Variants in LRP1B observed in about 807,000 individuals in gnomAD.
The protein encoded by LRP1B is low-density lipoprotein receptor-related protein 1B.
A neutral mutation model predicts 556.6 loss-of-function variants in LRP1B; 217 were observed. The observed-to-expected ratio is 0.39, with a 90% CI of 0.35 to 0.44. The LOEUF (loss-of-function observed/expected upper bound fraction) is 0.44. Ranked by LOEUF, LRP1B falls within the 20% of genes least tolerant of loss-of-function variation. The pLI is 1.00. For synonymous variants in LRP1B, 2,047 were observed against 1,865.8 expected (o/e 1.10, Z -2.50); for missense variants, 5,053 against 5,620.8 (o/e 0.90, Z 3.23).
At chr2:141,597,690 G>A (rs1687574092) in intron 2 of LRP1B, among the ~76,000 whole-genome samples, 1 of 152,030 alleles carries the variant, frequency 6.6e-6, no homozygotes, top group Admixed American at 6.6e-5. Context: ...TTTATTGGAA[G>A]ATTAGCTTTT....
At chr2:141,182,575 G>A (rs1226629546) in intron 7 of LRP1B, among the ~76,000 whole-genome samples, 1 of 151,694 alleles carries the variant, frequency 6.6e-6, no homozygotes, top group Admixed American at 6.6e-5. Flanking sequence ...CCAGATACCT[G>A]GGAGAGAAGC....
chr2:141,855,524 G>C (rs1200680737), intron 1 of LRP1B, among the ~76,000 whole-genome samples: 1 of 152,102 alleles, frequency 6.6e-6, no homozygotes, highest in African/African-American at 2.4e-5. Context: ...CTTTAGGTGA[G>C]TGATTTTCAG....
intron 3 of LRP1B, among the ~76,000 whole-genome samples, chr2:141,377,689 G>A (rs1381347204): frequency 6.6e-6 from 1 of 151,616 alleles, no homozygotes; most frequent in East Asian, 1.9e-4. Context: ...TTTATGTGAG[G>A]CCTAATAATA....
At chr2:141,166,417 T>G (rs1037958977) in intron 7 of LRP1B, among the ~76,000 whole-genome samples, 1 of 150,976 alleles carries the variant, frequency 6.6e-6, no homozygotes, top group Admixed American at 6.6e-5. Context: ...ATAATAGGTG[T>G]ATATATTTAA....
At chr2:140,922,499 A>G (rs1480750143) in intron 21 of LRP1B, among the ~76,000 whole-genome samples, 1 of 152,024 alleles carries the variant, frequency 6.6e-6, no homozygotes, top group Non-Finnish European at 1.5e-5. Context: ...ATATAATTCT[A>G]TCTTTCTTTT....
chr2:141,455,299 T>C (rs1407550312), intron 3 of LRP1B, among the ~76,000 whole-genome samples: 1 of 151,928 alleles, frequency 6.6e-6, no homozygotes, highest in Non-Finnish European at 1.5e-5. Flanking sequence ...TCAATTTACA[T>C]ATCTCCCTAC....
At chr2:141,752,439 T>A (rs1303038421) in intron 2 of LRP1B, among the ~76,000 whole-genome samples, 1 of 152,120 alleles carries the variant, frequency 6.6e-6, no homozygotes, top group African/African-American at 2.4e-5. Context: ...TGAAAGACTT[T>A]CCATACTCGA....
At chr2:141,681,763 T>C (rs1691113493) in intron 2 of LRP1B, among the ~76,000 whole-genome samples, 1 of 152,206 alleles carries the variant, frequency 6.6e-6, no homozygotes, top group Non-Finnish European at 1.5e-5. Context: ...GGCAAGTCCC[T>C]GAGTTCCTCT....
intron 3 of LRP1B, among the ~76,000 whole-genome samples, chr2:141,333,612 C>A (rs1401114726): frequency 6.6e-6 from 1 of 152,144 alleles, no homozygotes; most frequent in African/African-American, 2.4e-5. Context: ...GGATTCACAG[C>A]AGCTATGTAG....
intron 26 of LRP1B, 115 bp from the exon 27 acceptor site, chr2:140,867,949 G>T: frequency 7.8e-7 from 1 of 1,287,348 alleles, no homozygotes; most frequent in Non-Finnish European, 1.0e-6. Flanking sequence ...ATTTTTATGG[G>T]TCTGTATCTG....
intron 86 of LRP1B, among the ~76,000 whole-genome samples, chr2:140,260,534 T>C (rs1363685175): frequency 6.6e-6 from 1 of 151,800 alleles, no homozygotes; most frequent in South Asian, 2.1e-4. Flanking sequence ...TATATGTATA[T>C]GCGTGCATAT....
At chr2:142,094,895 A>G (rs1706304559) in intron 1 of LRP1B, among the ~76,000 whole-genome samples, 1 of 151,892 alleles carries the variant, frequency 6.6e-6, no homozygotes, top group African/African-American at 2.4e-5. Context: ...AACTGAAAAT[A>G]GGAGAAAATA....
At chr2:141,888,490 G>C (rs1288342499) in intron 1 of LRP1B, among the ~76,000 whole-genome samples, 1 of 152,124 alleles carries the variant, frequency 6.6e-6, no homozygotes, top group Non-Finnish European at 1.5e-5. Flanking sequence ...ATTTTCACCA[G>C]GGCTAAATCT....
At chr2:140,721,325 T>A (rs1687392084) in intron 35 of LRP1B, among the ~76,000 whole-genome samples, 1 of 152,130 alleles carries the variant, frequency 6.6e-6, no homozygotes, top group South Asian at 2.1e-4. Flanking sequence ...GTGGCTTTTA[T>A]GTCACATTTC....
chr2:140,457,338 G>C, intron 61 of LRP1B, 125 bp downstream of exon 61: 1 of 753,972 alleles, frequency 1.3e-6, no homozygotes, highest in Non-Finnish European at 2.1e-6. Flanking sequence ...ATAAAGTGAT[G>C]CTAAATAATT....
chr2:141,892,920 A>C (rs1362762919), intron 1 of LRP1B, among the ~76,000 whole-genome samples: 1 of 152,204 alleles, frequency 6.6e-6, no homozygotes, highest in Non-Finnish European at 1.5e-5. Context: ...GAGCTTCACC[A>C]TTATGTGATA....
At position 140,776,029 on chromosome 2, in the gene LRP1B, G is replaced by A. The variant is rs188572675; in HGVS notation, c.5500+69C>T. ...AATAGAAACCTTTTATTGTTGAATT[G>A]AGGAGCTAATATAAAAAAGAGCACA... On this transcript the variant is annotated intron_variant, in intron 33 of 90. Transcript: ENST00000389484. The A allele has an allele frequency of 3.4e-3, 4,195 of 1,237,804 alleles. 16 individuals carry two copies. Among genetic ancestry groups the A allele is most frequent in the South Asian group, 6.2e-3 (438 of 70,818 alleles). 76.7% of individuals were successfully genotyped at this position (1,237,804 alleles called of 1,614,324 possible).
intron 6 of LRP1B, among the ~76,000 whole-genome samples, chr2:141,203,071 G>A (rs936399568): frequency 1.1e-4 from 16 of 152,082 alleles, no homozygotes; most frequent in African/African-American, 3.4e-4. Flanking sequence ...ACTGGTACCA[G>A]CCGCTGCAAA....
chr2:140,991,868 G>A (rs771720014), intron 16 of LRP1B, among the ~76,000 whole-genome samples: 2 of 152,042 alleles, frequency 1.3e-5, no homozygotes, highest in East Asian at 3.9e-4. Flanking sequence ...AAAATAAAAA[G>A]GGTAAATGGA....
Sources: gnomAD v4.1 joint callset for allele counts (sites outside exome capture counted in the v4.1 genomes callset) on GRCh38, gnomAD v4.1.1 for gene constraint, MANE v1.5 for transcripts, NCBI Gene and HGNC (gene_info 2026-07-23, HGNC 2026-07-21) for gene names.